CLSTN2: variants seen among roughly 807,000 people sequenced by gnomAD.
CLSTN2 encodes calsyntenin-2.
CLSTN2 carries 48 observed loss-of-function variants against 101.2 expected under a neutral mutation model. That is an observed-to-expected ratio of 0.47 (90% confidence interval 0.38 to 0.60). The LOEUF (loss-of-function observed/expected upper bound fraction) is 0.60. Ranked by LOEUF, CLSTN2 falls within the 20% of genes least tolerant of loss-of-function variation. The probability of loss-of-function intolerance (pLI) is 0.00; values close to 1 mark genes in which losing one functional copy is unlikely to be tolerated. For synonymous variants in CLSTN2, 481 were observed against 463.6 expected, an observed-to-expected ratio of 1.04 and a Z score of -0.48; for missense variants, 1,160 against 1,238.2, an observed-to-expected ratio of 0.94 and a Z score of 0.95.
intron 7 of CLSTN2, 62 bp downstream of exon 7, chr3:140,459,831 G>T: frequency 1.3e-6 from 2 of 1,586,368 alleles, no homozygotes; most frequent in East Asian, 2.2e-5. Flanking sequence ...TTTGTCACAG[G>T]TGGCTGGACA....
At chr3:140,016,640 A>G (rs2007207172) in intron 1 of CLSTN2, among the ~76,000 whole-genome samples, 1 of 151,958 alleles carries the variant, frequency 6.6e-6, no homozygotes, top group Non-Finnish European at 1.5e-5. Flanking sequence ...CTCTGCTAAA[A>G]ATACAAAAAT....
intron 1 of CLSTN2, among the ~76,000 whole-genome samples, chr3:140,019,115 T>G (rs1052091746): frequency 4.6e-5 from 7 of 152,104 alleles, no homozygotes; most frequent in Non-Finnish European, 1.0e-4. Context: ...AGATAAACCC[T>G]CCTTGCTCCC....
intron 8 of CLSTN2, among the ~76,000 whole-genome samples, chr3:140,476,657 T>C (rs1933991011): frequency 9.2e-6 from 1 of 108,618 alleles, no homozygotes; most frequent in Non-Finnish European, 1.8e-5. Context: ...TTAGCATCTT[T>C]TTTTTTTTTT....
At chr3:139,949,078 G>A (rs1325789449) in intron 1 of CLSTN2, among the ~76,000 whole-genome samples, 1 of 152,114 alleles carries the variant, frequency 6.6e-6, no homozygotes, top group East Asian at 1.9e-4. Flanking sequence ...CTGGCAGCCT[G>A]GAAGGCCTCC....
intron 8 of CLSTN2, among the ~76,000 whole-genome samples, chr3:140,492,861 C>T (rs371931482): frequency 7.9e-5 from 12 of 152,232 alleles, no homozygotes; most frequent in African/African-American, 2.9e-4. Flanking sequence ...ATGAGAAGAG[C>T]TCCAGAATCT....
intron 2 of CLSTN2, among the ~76,000 whole-genome samples, chr3:140,306,148 C>T (rs1219834105): frequency 6.6e-6 from 1 of 152,170 alleles, no homozygotes; most frequent in Non-Finnish European, 1.5e-5. Flanking sequence ...TTGCCCTTGT[C>T]AAATATACTC....
chr3:140,553,665 T>A (rs1935748813), intron 10 of CLSTN2, among the ~76,000 whole-genome samples: 1 of 152,218 alleles, frequency 6.6e-6, no homozygotes, highest in Non-Finnish European at 1.5e-5. Context: ...CTGCATAGAA[T>A]GCTGCAAGCC....
chr3:140,396,778 G>A (rs1237156108), intron 2 of CLSTN2, among the ~76,000 whole-genome samples: 1 of 152,170 alleles, frequency 6.6e-6, no homozygotes. Context: ...GGAATACAAA[G>A]CAAACTGAGC....
intron 8 of CLSTN2, among the ~76,000 whole-genome samples, chr3:140,528,377 T>C (rs1935186202): frequency 6.6e-6 from 1 of 152,198 alleles, no homozygotes; most frequent in Non-Finnish European, 1.5e-5. Context: ...CTTTTGCAAA[T>C]GCAGCCTGAC....
At chr3:140,161,052 G>A (rs1446577791) in intron 1 of CLSTN2, among the ~76,000 whole-genome samples, 1 of 152,034 alleles carries the variant, frequency 6.6e-6, no homozygotes, top group Non-Finnish European at 1.5e-5. Flanking sequence ...CATGTGCCAG[G>A]CCTCAGGATT....
chr3:140,261,128 A>G (rs1559822199), intron 2 of CLSTN2, among the ~76,000 whole-genome samples: 1 of 151,740 alleles, frequency 6.6e-6, no homozygotes. Context: ...AGTGTTTGGA[A>G]ATGACTATAC....
chr3:140,409,799 C>G (rs2088342682), intron 4 of CLSTN2, among the ~76,000 whole-genome samples: 1 of 151,870 alleles, frequency 6.6e-6, no homozygotes. Context: ...AAACAATTAA[C>G]TAAATCAGGA....
intron 2 of CLSTN2, among the ~76,000 whole-genome samples, chr3:140,360,769 C>T (rs188162745): frequency 6.1e-4 from 92 of 151,138 alleles, no homozygotes; most frequent in Middle Eastern, 3.4e-3. Flanking sequence ...GGAAAAAAGT[C>T]GAAGAAAAAA....
chr3:139,977,516 G>C (rs2882367), intron 1 of CLSTN2, among the ~76,000 whole-genome samples: 74,753 of 151,756 alleles, frequency 0.49, 18,907 homozygotes, highest in Non-Finnish European at 0.55. Context: ...CAACTGTGCT[G>C]TTTTTACCCC....
chr3:140,473,491 T>C (rs1933901176), intron 8 of CLSTN2, among the ~76,000 whole-genome samples: 1 of 152,112 alleles, frequency 6.6e-6, no homozygotes, highest in Non-Finnish European at 1.5e-5. Flanking sequence ...AGTGTTCTTA[T>C]AAGAGGGGAG....
At chr3:140,102,169 A>G (rs532019421) in intron 1 of CLSTN2, among the ~76,000 whole-genome samples, 1 of 152,324 alleles carries the variant, frequency 6.6e-6, no homozygotes, top group Admixed American at 6.5e-5. Flanking sequence ...AGTTGGGCCA[A>G]TCATTCGTGA....
intron 1 of CLSTN2, among the ~76,000 whole-genome samples, chr3:140,058,295 G>A (rs910532637): frequency 6.6e-6 from 1 of 152,114 alleles, no homozygotes; most frequent in African/African-American, 2.4e-5. Context: ...AAATTCTCAA[G>A]GGAAAGCCCT....
chr3:140,226,316 T>C (rs2086319836), intron 2 of CLSTN2, among the ~76,000 whole-genome samples: 1 of 152,224 alleles, frequency 6.6e-6, no homozygotes, highest in Admixed American at 6.5e-5. Flanking sequence ...TCAATGTCAA[T>C]GTCCTGGTTG....
At chr3:140,504,243 T>A (rs73867191) in intron 8 of CLSTN2, among the ~76,000 whole-genome samples, 8,367 of 152,194 alleles carry the variant, frequency 0.055, 407 homozygotes, top group African/African-American at 0.13. Context: ...ATGGACCTTT[T>A]CATGAGAGCC....
Sources: gnomAD v4.1 joint callset for allele counts (sites outside exome capture counted in the v4.1 genomes callset) on GRCh38, gnomAD v4.1.1 for gene constraint, MANE v1.5 for transcripts, NCBI Gene and HGNC (gene_info 2026-07-23, HGNC 2026-07-21) for gene names.